Variants in NTRK3 observed in about 807,000 individuals in gnomAD.
NTRK3 encodes the protein neurotrophic receptor tyrosine kinase 3.
NTRK3 carries 24 observed loss-of-function variants against 91.7 expected under a neutral mutation model. That is an observed-to-expected ratio of 0.26 (90% CI 0.19 to 0.37). The LOEUF is 0.37. Ranked by LOEUF, NTRK3 falls within the 10% of genes least tolerant of loss-of-function variation. The probability of loss-of-function intolerance (pLI) is 1.00; values close to 1 mark genes in which losing one functional copy is unlikely to be tolerated. For synonymous variants in NTRK3, 483 were observed against 404.0 expected (o/e 1.20, Z -2.34); for missense variants, 880 against 1,068.9 (o/e 0.82, Z 2.46).
At chr15:88,046,958 G>A (rs555856786) in intron 13 of NTRK3, among the ~76,000 whole-genome samples, 4 of 152,242 alleles carry the variant, frequency 2.6e-5, no homozygotes, top group South Asian at 4.2e-4. Context: ...TGTACGGCAC[G>A]CTTTATATAC....
chr15:88,054,111 C>T (rs942352967), intron 13 of NTRK3, among the ~76,000 whole-genome samples: 18 of 152,068 alleles, frequency 1.2e-4, no homozygotes, highest in African/African-American at 4.3e-4. Flanking sequence ...AACCAGAGGC[C>T]GTTCTGGGCA....
chr15:88,099,064 G>A (rs2049917707), intron 13 of NTRK3: 1 of 231,400 alleles, frequency 4.3e-6, no homozygotes, highest in Non-Finnish European at 8.6e-6. Flanking sequence ...AGGCCACCTG[G>A]AGAGCACAGG....
chr15:88,176,493 G>A (rs1352997099), intron 5 of NTRK3, among the ~76,000 whole-genome samples: 1 of 152,128 alleles, frequency 6.6e-6, no homozygotes, highest in Admixed American at 6.6e-5. Context: ...AGAAGTGTGA[G>A]GATCCCTGGC....
At chr15:88,037,816 G>C (rs1285562215) in intron 13 of NTRK3, among the ~76,000 whole-genome samples, 1 of 152,214 alleles carries the variant, frequency 6.6e-6, no homozygotes, top group Non-Finnish European at 1.5e-5. Context: ...ATCAGGCTCT[G>C]TAAAGGAGTT....
intron 13 of NTRK3, among the ~76,000 whole-genome samples, chr15:88,120,253 T>G (rs1420146269): frequency 3.3e-5 from 5 of 152,204 alleles, no homozygotes; most frequent in Admixed American, 6.5e-5. Context: ...AAATCAAGAC[T>G]CTGGCAGGAT....
chr15:87,945,905 T>C (rs1361204269), intron 14 of NTRK3, among the ~76,000 whole-genome samples: 1 of 152,048 alleles, frequency 6.6e-6, no homozygotes, highest in Non-Finnish European at 1.5e-5. Flanking sequence ...GTTCCTTATC[T>C]GTAGAATGGG....
chr15:88,063,248 G>T (rs2046370642), intron 13 of NTRK3, among the ~76,000 whole-genome samples: 1 of 152,246 alleles, frequency 6.6e-6, no homozygotes, highest in African/African-American at 2.4e-5. Context: ...ACGATGACAA[G>T]GATGAAGATA....
At chr15:87,864,794 T>TCAG (rs2064619748) in exon 19 of NTRK3, 1 of 229,604 alleles carries the variant, frequency 4.4e-6, no homozygotes, top group African/African-American at 2.2e-5. Flanking sequence ...CAAAAGCGGC[T>TCAG]CTCAGTCTCT....
At chr15:88,084,336 G>C (rs910858954) in intron 13 of NTRK3, among the ~76,000 whole-genome samples, 1 of 152,122 alleles carries the variant, frequency 6.6e-6, no homozygotes, top group South Asian at 2.1e-4. Flanking sequence ...AAAGAAGCAG[G>C]GTTAGGCTAG....
intron 17 of NTRK3, among the ~76,000 whole-genome samples, chr15:87,885,127 C>T (rs1170077009): frequency 6.6e-6 from 1 of 151,856 alleles, no homozygotes; most frequent in African/African-American, 2.4e-5. Context: ...GTGGCAATGA[C>T]TTCAAAATAC....
At chr15:88,164,259 C>A (rs1451189374) in intron 5 of NTRK3, among the ~76,000 whole-genome samples, 1 of 152,218 alleles carries the variant, frequency 6.6e-6, no homozygotes, top group Non-Finnish European at 1.5e-5. Flanking sequence ...ACAGCCTTAC[C>A]CATGCCACCT....
chr15:87,899,368 C>T (rs1422550549), intron 17 of NTRK3, among the ~76,000 whole-genome samples: 2 of 151,120 alleles, frequency 1.3e-5, no homozygotes, highest in South Asian at 4.2e-4. Flanking sequence ...AGGAGACCCA[C>T]CCCTCCTTTC....
At chr15:88,088,825 G>A (rs938444714) in intron 13 of NTRK3, among the ~76,000 whole-genome samples, 11 of 152,050 alleles carry the variant, frequency 7.2e-5, no homozygotes, top group African/African-American at 1.9e-4. Context: ...TATTACACAG[G>A]GCTCATTCCT....
At chr15:88,039,008 T>C (rs566684962) in intron 13 of NTRK3, among the ~76,000 whole-genome samples, 5 of 152,146 alleles carry the variant, frequency 3.3e-5, no homozygotes, top group Middle Eastern at 3.4e-3. Context: ...GGAAAAGTAA[T>C]AGGGGGAAAA....
chr15:88,172,736 G>C (rs1233126234), intron 5 of NTRK3, among the ~76,000 whole-genome samples: 1 of 152,204 alleles, frequency 6.6e-6, no homozygotes, highest in Non-Finnish European at 1.5e-5. Context: ...GGGTGAATCA[G>C]AATGTGGTCC....
intron 3 of NTRK3, among the ~76,000 whole-genome samples, chr15:88,213,054 A>G (rs138652567): frequency 1.3e-5 from 2 of 152,348 alleles, no homozygotes; most frequent in East Asian, 1.9e-4. Context: ...GGTTTAAGCC[A>G]TAGTAAAAAT....
Position 87,877,234 on chromosome 15 carries a change from C to T in NTRK3, c.2293-114G>A, listed in dbSNP as rs112578820. The T allele has an allele frequency of 9.3e-4, 998 of 1,075,396 alleles. 1 individual carries two copies. The African/African-American group carries it at 0.011, about 12-fold the overall frequency. 66.6% of individuals were successfully genotyped at this position (1,075,396 alleles called of 1,614,324 possible). ...GATTAGTTTCTATGCAGAGCCGAGGCTCTCACAAGCACAAGCTAAAGGCTA... is the reference window on the plus strand; with the variant it reads ...GATTAGTTTCTATGCAGAGCCGAGGTTCTCACAAGCACAAGCTAAAGGCTA... On this transcript the variant is annotated intron_variant, in intron 18 of 18. Coordinates refer to ENST00000394480, the Ensembl canonical transcript of NTRK3.
At chr15:87,933,158 G>A (rs2068953275) in exon 16 of NTRK3, 17 of 1,614,128 alleles carry the variant, frequency 1.1e-5, no homozygotes, top group Non-Finnish European at 1.4e-5. Context: ...AATCCTTCCG[G>A]GCAGCCAGGG....
chr15:87,921,291 C>A (rs8032555), intron 17 of NTRK3, among the ~76,000 whole-genome samples: 7,014 of 152,184 alleles, frequency 0.046, 567 homozygotes, highest in African/African-American at 0.16. Flanking sequence ...CACTGGACAA[C>A]CAGTACAAGA....
Sources: gnomAD v4.1 joint callset for allele counts (sites outside exome capture counted in the v4.1 genomes callset) on GRCh38, gnomAD v4.1.1 for gene constraint, MANE v1.5 for transcripts, NCBI Gene and HGNC (gene_info 2026-07-23, HGNC 2026-07-21) for gene names.